PRIM2: variants seen among roughly 807,000 people sequenced by gnomAD.
PRIM2 encodes DNA primase subunit 2.
PRIM2 carries 39 observed loss-of-function variants against 67.3 expected under a neutral mutation model. The observed-to-expected ratio is 0.58, with a 90% CI of 0.45 to 0.76. The LOEUF (loss-of-function observed/expected upper bound fraction) is 0.76. PRIM2 is among the 30% of genes least tolerant of loss of function. PRIM2 has a pLI of 0.00. For missense variants in PRIM2, 398 were observed against 598.7 expected (o/e 0.66, Z 3.50); for synonymous variants, 143 against 198.7 (o/e 0.72, Z 2.36).
chr6:57,516,247 C>T (rs1241804995), intron 8 of PRIM2, among the ~76,000 whole-genome samples: 1 of 152,118 alleles, frequency 6.6e-6, no homozygotes, highest in Non-Finnish European at 1.5e-5. Context: ...CCCCTTTTAC[C>T]GTGTAACCTA....
chr6:57,486,095 G>C, intron 7 of PRIM2, among the ~76,000 whole-genome samples: 1 of 152,206 alleles, frequency 6.6e-6, no homozygotes, highest in Non-Finnish European at 1.5e-5. Context: ...AAGAGTAAAG[G>C]TGTGGAAGTG....
chr6:57,337,647 G>A (rs1194019886), intron 5 of PRIM2, among the ~76,000 whole-genome samples: 9 of 152,160 alleles, frequency 5.9e-5, no homozygotes, highest in South Asian at 4.1e-4. Flanking sequence ...AAATAAAGAT[G>A]TTCTTTGAAA....
chr6:57,387,079 T>G (rs955292500), intron 7 of PRIM2, among the ~76,000 whole-genome samples: 79 of 152,324 alleles, frequency 5.2e-4, no homozygotes, highest in Non-Finnish European at 8.7e-4. Context: ...GCCCAGAACC[T>G]TCCCTTTAAG....
intron 3 of PRIM2, among the ~76,000 whole-genome samples, chr6:57,321,121 T>C (rs1767641374): frequency 6.6e-6 from 1 of 151,742 alleles, no homozygotes; most frequent in South Asian, 2.1e-4. Flanking sequence ...ATGATGAGAG[T>C]CTGAATTAAA....
intron 7 of PRIM2, chr6:57,383,300 T>C: frequency 6.6e-6 from 1 of 152,062 alleles, no homozygotes; most frequent in East Asian, 1.9e-4. Context: ...GTTGACATTT[T>C]AGACCACACT....
chr6:57,295,420 T>C, the PRIM2 span, among the ~76,000 whole-genome samples: 19 of 152,296 alleles, frequency 1.2e-4, no homozygotes, highest in African/African-American at 4.6e-4. Context: ...CTGGTTTATT[T>C]TGGAGTGAAT....
chr6:57,505,100 C>G (rs1774225084), intron 7 of PRIM2: 1 of 152,090 alleles, frequency 6.6e-6, no homozygotes, highest in Non-Finnish European at 1.5e-5. Context: ...ATTCTGTCAG[C>G]AAAAGGTTAG....
At chr6:57,512,166 T>C (rs1554347781) in intron 8 of PRIM2, among the ~76,000 whole-genome samples, 4 of 152,118 alleles carry the variant, frequency 2.6e-5, no homozygotes, top group Non-Finnish European at 5.9e-5. Context: ...GTCCAAGTCT[T>C]ATGAGGATTT....
chr6:57,447,276 G>C (rs1313144296), intron 7 of PRIM2, among the ~76,000 whole-genome samples: 1 of 152,178 alleles, frequency 6.6e-6, no homozygotes, highest in East Asian at 1.9e-4. Flanking sequence ...ATTGGTTCTG[G>C]ATTTAGTATG....
At chr6:57,330,362 T>TTG (rs1768014529) in intron 5 of PRIM2, among the ~76,000 whole-genome samples, 2 of 71,920 alleles carry the variant, frequency 2.8e-5, no homozygotes, top group African/African-American at 1.3e-4. Flanking sequence ...TTTTTTTTTG[T>TTG]TTTTGTTTTT....
At chr6:57,268,445 T>C in the PRIM2 span, among the ~76,000 whole-genome samples, 1 of 152,126 alleles carries the variant, frequency 6.6e-6, no homozygotes, top group Non-Finnish European at 1.5e-5. Flanking sequence ...AAAATGTCTA[T>C]GCATAAAAGG....
At chr6:57,364,640 G>C in intron 5 of PRIM2, among the ~76,000 whole-genome samples, 1 of 151,924 alleles carries the variant, frequency 6.6e-6, no homozygotes. Context: ...GATGTTCTTC[G>C]TTTGGGTCTC....
chr6:57,320,652 G>A (rs1427526987), intron 3 of PRIM2, 92 bp downstream of exon 3: 6 of 752,786 alleles, frequency 8.0e-6, no homozygotes, highest in African/African-American at 1.8e-5. Flanking sequence ...TAGGCACTGG[G>A]CTTTTATAAA....
chr6:57,394,064 G>A (rs915967702), intron 7 of PRIM2, among the ~76,000 whole-genome samples: 13 of 152,138 alleles, frequency 8.5e-5, no homozygotes, highest in African/African-American at 3.1e-4. Flanking sequence ...GGTGACTATG[G>A]CCTATAGTAT....
chr6:57,619,322 C>G (rs1776810187), intron 12 of PRIM2, among the ~76,000 whole-genome samples: 2 of 152,138 alleles, frequency 1.3e-5, no homozygotes, highest in South Asian at 4.1e-4. Flanking sequence ...GTGATGGAAC[C>G]AGAAAACCAC....
the PRIM2 span, among the ~76,000 whole-genome samples, chr6:57,301,329 A>T: frequency 6.6e-6 from 1 of 152,138 alleles, no homozygotes; most frequent in Non-Finnish European, 1.5e-5. Context: ...CTCTATTAAA[A>T]ATACAAAATT....
At chr6:57,420,891 AT>A (rs1482162462) in intron 7 of PRIM2, among the ~76,000 whole-genome samples, 1 of 152,244 alleles carries the variant, frequency 6.6e-6, no homozygotes, top group Non-Finnish European at 1.5e-5. Context: ...GTAATTGGAA[AT>A]GTAATTCTAG....
intron 7 of PRIM2, among the ~76,000 whole-genome samples, chr6:57,406,298 A>G (rs1360029231): frequency 1.3e-5 from 2 of 152,152 alleles, no homozygotes; most frequent in African/African-American, 4.8e-5. Flanking sequence ...CTCCATTCAG[A>G]CAGATGAGTA....
At position 57,541,035 on chromosome 6, in the gene PRIM2, G is replaced by A. The variant is rs1463892948; in HGVS notation, c.1020+3410G>A. Among the ~76,000 whole-genome samples the A allele has an allele frequency of 3.9e-5, 6 of 152,298 alleles. No individual in the cohort carries two copies. In the South Asian group the frequency reaches 8.3e-4, roughly 21 times the overall value. On this transcript the variant is annotated intron_variant, in intron 10 of 13. Coordinates refer to ENST00000615550, the MANE Select transcript of PRIM2 (RefSeq NM_000947.5). ...TAACACCATTGGGCTCATAGGAAGT[G>A]TCACTAGTAATGCTGGAAATGCTTC... is the stretch of plus-strand genomic sequence containing the variant.
Sources: allele counts gnomAD v4.1 joint callset (sites outside exome capture counted in the v4.1 genomes callset), GRCh38; gene constraint gnomAD v4.1.1; transcripts MANE v1.5; gene names NCBI Gene and HGNC (gene_info 2026-07-23, HGNC 2026-07-21).